AGMAT: variants seen among roughly 807,000 people sequenced by gnomAD.
AGMAT encodes the protein agmatinase (putative), also known as guanidino acid hydrolase, mitochondrial.
In AGMAT, 37 loss-of-function variants were observed where a neutral mutation model predicts 29.3. That is an observed-to-expected ratio of 1.26 (90% CI 0.97 to 1.66). The LOEUF (loss-of-function observed/expected upper bound fraction) is 1.66. Among genes scored for constraint, AGMAT ranks in the 40% most tolerant of loss-of-function variants. AGMAT has a pLI of 0.00. For missense variants in AGMAT, 498 were observed against 497.8 expected (o/e 1.00, Z 0.00); for synonymous variants, 199 against 200.8 (o/e 0.99, Z 0.08).
intron 4 of AGMAT, 93 bp from the exon 5 acceptor site, chr1:15,577,957 A>C (rs1212407106): frequency 1.6e-6 from 2 of 1,215,390 alleles, no homozygotes; most frequent in Non-Finnish European, 1.1e-6. Flanking sequence ...TGCACATGAC[A>C]CTTGACCCTC....
At position 15,574,824 on chromosome 1, in the gene AGMAT, CCT is replaced by C; in HGVS notation, c.916_917del (p.Arg306GlyfsTer11). ...CCATCACGTTCAGGCCTTGACAACC[CCT>C]GATGATCTCCAGAGCCTATTCAAGA... is the stretch of plus-strand genomic sequence containing the variant. ...LTPSQALEIIRGCQGLNVMGC... is the reference protein window; with the variant it reads ...LTPSQALEIIXGCQGLNVMGC... On this transcript the variant is annotated frameshift_variant, in exon 6 of 7. Coordinates refer to ENST00000375826, the MANE Select transcript of AGMAT (RefSeq NM_024758.5). LOFTEE classifies it high-confidence loss of function. The C allele has an allele frequency of 6.2e-7, 1 of 1,613,888 alleles. No homozygotes were observed. Among genetic ancestry groups the C allele is most frequent in the Non-Finnish European group, 8.5e-7 (1 of 1,179,818 alleles).
At chr1:15,580,968 T>G (rs1326901317) in intron 2 of AGMAT, among the ~76,000 whole-genome samples, 1 of 151,044 alleles carries the variant, frequency 6.6e-6, no homozygotes, top group Non-Finnish European at 1.5e-5. Context: ...AGGGTGAAAC[T>G]CCATCTCAAA....
rs1638975901 is a variant in AGMAT, at chr1:15,572,797, A to AT, written c.*853_*854insA. On this transcript the variant is annotated 3_prime_UTR_variant, in exon 7 of 7. Coordinates refer to ENST00000375826, the MANE Select transcript of AGMAT (RefSeq NM_024758.5). The stretch of plus-strand genomic sequence containing the variant: ...GTCCTAAAACCAAGATGCAGCCCTA[A>AT]GCACCTCATAGGAGAAGCTGTATTT... 6.6e-6 allele frequency: 1 copy of AT among 151,000 alleles called. No homozygotes were observed. Among genetic ancestry groups the AT allele is most frequent in the Admixed American group, 6.6e-5 (1 of 15,102 alleles). The allele number at this position is 151,000 out of a possible 1,614,324, so 9.4% of individuals were successfully genotyped here.
At chr1:15,582,860 T>C (rs1639134345) in intron 2 of AGMAT, among the ~76,000 whole-genome samples, 1 of 152,056 alleles carries the variant, frequency 6.6e-6, no homozygotes, top group African/African-American at 2.4e-5. Context: ...TAGCCAGGCA[T>C]GGTGGTGGGC....
chr1:15,574,887 A>G (rs1221137245), intron 5 of AGMAT, 46 bp from the exon 6 acceptor site: 1 of 1,498,880 alleles, frequency 6.7e-7, no homozygotes, highest in African/African-American at 1.4e-5. Flanking sequence ...AATCATTTAC[A>G]GTGAAAAGCA....
At chr1:15,576,737 G>GTTTTTTTTTTTTTTTTTTTTTTTTTTTT (rs1420717123) in intron 5 of AGMAT, among the ~76,000 whole-genome samples, 1 of 31,586 alleles carries the variant, frequency 3.2e-5, no homozygotes, top group Non-Finnish European at 6.5e-5. Context: ...CAAGTTTAGT[G>GTTTTTTTTTTTTTTTTTTTTTTTTTTTT]TTCTTTTTTT....
rs1474055327 is a variant in AGMAT, at chr1:15,573,693, C to T, written c.1017G>A (p.Leu339=). 3 of 1,614,230 alleles carry T rather than the reference C, an allele frequency of 1.9e-6. No homozygotes were observed. The highest frequency in any genetic ancestry group is 1.1e-5 in the South Asian group (1 of 91,084). The change falls in exon 7 of 7, where the codon CTG becomes CTA. Residue 339 remains leucine (L), a synonymous_variant. Coordinates refer to ENST00000375826, the MANE Select transcript of AGMAT (RefSeq NM_024758.5). ...TGGGGAGAGCACATAGCATCTCAAA[C>T]AGCAGGTTAGCCGCCAGCAGGGCTG... ...GNTALLAANL[L]FEMLCALPKV...
At chr1:15,581,990 C>T (rs1213095404) in intron 2 of AGMAT, among the ~76,000 whole-genome samples, 1 of 152,070 alleles carries the variant, frequency 6.6e-6, no homozygotes, top group Non-Finnish European at 1.5e-5. Flanking sequence ...ATGCATAGGT[C>T]GGGCGCAATG....
intron 2 of AGMAT, among the ~76,000 whole-genome samples, chr1:15,582,683 C>T (rs550719261): frequency 6.6e-6 from 1 of 152,152 alleles, no homozygotes; most frequent in Non-Finnish European, 1.5e-5. Context: ...TTGCAGTTCT[C>T]CTCGCAAATA....
At chr1:15,584,316 C>CTTTTTTTTTCT (rs111795327) in intron 1 of AGMAT, among the ~76,000 whole-genome samples, 1 of 150,036 alleles carries the variant, frequency 6.7e-6, no homozygotes, top group Non-Finnish European at 1.5e-5. Flanking sequence ...CTTTTTTTTT[C>CTTTTTTTTTCT]TTTTTTTTGT....
chr1:15,578,103 A>G (rs1639064069), intron 4 of AGMAT, among the ~76,000 whole-genome samples: 1 of 152,232 alleles, frequency 6.6e-6, no homozygotes, highest in Admixed American at 6.5e-5. Context: ...AGTGGGAAAC[A>G]GCAGCTCACG....
Position 15,573,423 on chromosome 1 carries a change from A to G in AGMAT, c.*228T>C, listed in dbSNP as rs1570938886. On this transcript the variant is annotated 3_prime_UTR_variant, in exon 7 of 7. Transcript: ENST00000375826. ...CTTTCATCAAAGGAAAAAAAATCAA[A>G]GCAGTACAAGTACTCCTTTTTTTTT... is the stretch of plus-strand genomic sequence containing the variant. 1.3e-5 allele frequency: 6 copies of G among 455,914 alleles called. No individual in the cohort carries two copies. The East Asian group carries it at 2.1e-4, about 16-fold the overall frequency. The allele number at this position is 455,914 out of a possible 1,614,324, so 28.2% of individuals were successfully genotyped here. A position where few individuals can be genotyped will look rare whatever the true frequency, so the allele number is the denominator to read the frequency against.
chr1:15,579,173 G>A (rs1006425773), intron 3 of AGMAT, 119 bp from the exon 4 acceptor site: 35 of 923,476 alleles, frequency 3.8e-5, no homozygotes, highest in Non-Finnish European at 5.3e-5. Context: ...CCTGGCATCC[G>A]TTTTCTGCCT....
chr1:15,574,903 T>G, intron 5 of AGMAT, 62 bp from the exon 6 acceptor site: 1 of 1,377,234 alleles, frequency 7.3e-7, no homozygotes, highest in Non-Finnish European at 1.0e-6. Context: ...AAGCACCCAG[T>G]AGAGCTTTTC....
rs1045979931 is a variant in AGMAT, at chr1:15,584,920, G to GCCGGGCC, written c.41_47dup (p.Val17AlafsTer96). The GCCGGGCC allele has an allele frequency of 1.1e-4, 148 of 1,378,216 alleles. No homozygotes were observed. The highest frequency in any genetic ancestry group is 2.7e-4 in the South Asian group (16 of 59,074). The allele number at this position is 1,378,216 out of a possible 1,614,324, so 85.4% of individuals were successfully genotyped here. On this transcript the variant is annotated frameshift_variant, in exon 1 of 7. Transcript: ENST00000375826. LOFTEE classifies it high-confidence loss of function. ...GCCCTGCGGCAGGACGCGCGCCCAC[G>GCCGGGCC]CCGGGCCCCGGGCCCCGGGCGCACC...
chr1:15,583,235 A>G lies in AGMAT; in HGVS notation c.433T>C (p.Tyr145His), dbSNP rs1184353276. Reference sequence around the variant, plus strand: ...CAGCCAGCTGCTACAATTTTCTCATAGGCCTCTTGAATTCGCCGGCAGCTG... The same window carrying G: ...CAGCCAGCTGCTACAATTTTCTCATGGGCCTCTTGAATTCGCCGGCAGCTG... ...QDSCRRIQEAYEKIVAAGCIP... is the reference protein window; with the variant it reads ...QDSCRRIQEAHEKIVAAGCIP... The change falls in exon 2 of 7, where the codon TAT (tyrosine) becomes CAT (histidine). Residue 145 changes from tyrosine to histidine, a missense_variant. Tyr to His is a moderately conservative substitution (Grantham distance 83). Coordinates refer to ENST00000375826, the MANE Select transcript of AGMAT (RefSeq NM_024758.5). 1.1e-5 allele frequency: 17 copies of G among 1,614,026 alleles called. No homozygotes were observed. Among genetic ancestry groups the G allele is most frequent in the Non-Finnish European group, 1.4e-5 (16 of 1,180,048 alleles).
rs907781044 is a variant in AGMAT at position 15,576,910 on chromosome 1, C to T, written c.900+775G>A. ...GATTACAGGCACCCGCCACCGCGCC[C>T]GGCTAATTTTTTTGTATTTTTAGTA... On this transcript the variant is annotated intron_variant, in intron 5 of 6. Coordinates refer to ENST00000375826, the MANE Select transcript of AGMAT (RefSeq NM_024758.5). 8.1e-4 allele frequency among the ~76,000 whole-genome samples: 123 copies of T among 151,182 alleles called. 1 individual carries two copies. Among genetic ancestry groups the T allele is most frequent in the Non-Finnish European group, 8.8e-5 (6 of 67,826 alleles).
chr1:15,576,299 T>A (rs1001293945), intron 5 of AGMAT, among the ~76,000 whole-genome samples: 23 of 151,210 alleles, frequency 1.5e-4, no homozygotes, highest in African/African-American at 5.3e-4. Flanking sequence ...ATGGGGTTTC[T>A]CCATGTTAGG....
In AGMAT at chr1:15,573,395, CAT is replaced by C. The variant is rs1397109870; in HGVS notation, c.*254_*255del. Reference sequence around the variant, plus strand: ...TTCTCCTCACTTCCCCTTTATCCTCCATCTTTCATCAAAGGAAAAAAAATCAA... The same window carrying C: ...TTCTCCTCACTTCCCCTTTATCCTCCCTTTCATCAAAGGAAAAAAAATCAA... On this transcript the variant is annotated 3_prime_UTR_variant, in exon 7 of 7. Transcript: ENST00000375826. 5.1e-6 allele frequency: 2 copies of C among 395,410 alleles called. No homozygotes were observed. Among genetic ancestry groups the C allele is most frequent in the African/African-American group, 2.0e-5 (1 of 50,048 alleles). The allele number at this position is 395,410 out of a possible 1,614,324, so 24.5% of individuals were successfully genotyped here. A position where few individuals can be genotyped will look rare whatever the true frequency, so the allele number is the denominator to read the frequency against.
Sources: gnomAD v4.1 joint callset for allele counts (sites outside exome capture counted in the v4.1 genomes callset) on GRCh38, gnomAD v4.1.1 for gene constraint, MANE v1.5 for transcripts, NCBI Gene and HGNC (gene_info 2026-07-23, HGNC 2026-07-21) for gene names.